The following ZMYND8 variants were observed in gnomAD, a reference collection of about 807,000 sequenced individuals.
The protein encoded by ZMYND8 is zinc finger MYND-type containing 8.
In ZMYND8, 37 loss-of-function variants were observed where a neutral mutation model predicts 140.8. That is an observed-to-expected ratio of 0.26 (90% CI 0.20 to 0.35). The LOEUF (loss-of-function observed/expected upper bound fraction) is 0.35. ZMYND8 is among the 10% of genes least tolerant of loss of function. The pLI, the probability that ZMYND8 is intolerant of heterozygous loss-of-function variation, is 1.00. For missense variants in ZMYND8, 1,068 were observed against 1,570.0 expected (o/e 0.68, Z 5.40); for synonymous variants, 592 against 597.1 (o/e 0.99, Z 0.12).
chr20:47,312,515 G>C (rs895716839), intron 2 of ZMYND8, among the ~76,000 whole-genome samples: 1 of 152,208 alleles, frequency 6.6e-6, no homozygotes, highest in African/African-American at 2.4e-5. Context: ...GGGCGGCCCA[G>C]AGAGCCCAAA....
chr20:47,287,135 G>A (rs2076972943), intron 8 of ZMYND8, 94 bp downstream of exon 8: 17 of 1,131,598 alleles, frequency 1.5e-5, no homozygotes, highest in South Asian at 2.5e-5. Context: ...AAATCACCTC[G>A]GCTACCTAAT....
In ZMYND8 at chr20:47,224,297, G is replaced by A. The variant is rs1287642472; in HGVS notation, c.3256+20C>T. 6 of 1,612,910 alleles carry A rather than the reference G, an allele frequency of 3.7e-6. No individual in the cohort carries two copies. The Admixed American group carries it at 1.0e-4, about 27-fold the overall frequency. On this transcript the variant is annotated intron_variant, in intron 19 of 22. Transcript: ENST00000471951. ...AAGCCACTGCAGCCCAGGACGGGAG[G>A]CAGCCCCACAGGGCATTACCTGACT...
chr20:47,275,497 A>G (rs1421960692), intron 11 of ZMYND8, among the ~76,000 whole-genome samples: 1 of 151,320 alleles, frequency 6.6e-6, no homozygotes, highest in African/African-American at 2.4e-5. Flanking sequence ...ATGTCTCCAA[A>G]AAAAAAAAAA....
At chr20:47,336,724 G>T (rs2081414303) in intron 2 of ZMYND8, among the ~76,000 whole-genome samples, 1 of 152,174 alleles carries the variant, frequency 6.6e-6, no homozygotes, top group Non-Finnish European at 1.5e-5. Flanking sequence ...GTTCACGCAT[G>T]ATCTTTAGAG....
intron 10 of ZMYND8, among the ~76,000 whole-genome samples, chr20:47,280,555 CTA>C (rs2076543512): frequency 1.3e-5 from 2 of 152,144 alleles, no homozygotes; most frequent in Non-Finnish European, 2.9e-5. Context: ...AGCTGAGAGA[CTA>C]CAGCCATCAA....
chr20:47,260,785 A>C (rs1336376967), intron 12 of ZMYND8, among the ~76,000 whole-genome samples: 3 of 152,080 alleles, frequency 2.0e-5, no homozygotes, highest in Non-Finnish European at 4.4e-5. Flanking sequence ...TATTTTCTCT[A>C]TCTTTCTAAA....
intron 3 of ZMYND8, among the ~76,000 whole-genome samples, chr20:47,305,392 C>A (rs2078402359): frequency 6.6e-6 from 1 of 151,962 alleles, no homozygotes; most frequent in Admixed American, 6.6e-5. Context: ...AGGTGCGCAC[C>A]ACCATGCCTG....
chr20:47,345,585 G>A (rs1193871268), intron 2 of ZMYND8, among the ~76,000 whole-genome samples: 1 of 150,582 alleles, frequency 6.6e-6, no homozygotes, highest in African/African-American at 2.4e-5. Flanking sequence ...TTGGCTCACT[G>A]CAACCTCCGC....
intron 3 of ZMYND8, among the ~76,000 whole-genome samples, chr20:47,309,270 C>T (rs1032442914): frequency 1.3e-5 from 2 of 152,128 alleles, no homozygotes; most frequent in Non-Finnish European, 1.5e-5. Flanking sequence ...CCTAAGCCTG[C>T]CCCTGGCAAT....
At chr20:47,319,863 A>ACCC (rs1331649661) in intron 2 of ZMYND8, 1 of 52,266 alleles carries the variant, frequency 1.9e-5, no homozygotes, top group African/African-American at 7.5e-5. Flanking sequence ...CCACCCACCC[A>ACCC]CCCCCTCAGC....
chr20:47,312,110 C>T (rs80302277), intron 2 of ZMYND8, among the ~76,000 whole-genome samples: 4,944 of 152,148 alleles, frequency 0.032, 259 homozygotes, highest in African/African-American at 0.11. Flanking sequence ...GTGAAATCTG[C>T]GAAGATGTCA....
chr20:47,331,738 A>G (rs2080961378), intron 2 of ZMYND8, among the ~76,000 whole-genome samples: 2 of 152,172 alleles, frequency 1.3e-5, no homozygotes, highest in African/African-American at 4.8e-5. Flanking sequence ...CCACAAGAAT[A>G]ATCAGCATCT....
At chr20:47,326,253 C>T (rs2148405405) in intron 2 of ZMYND8, among the ~76,000 whole-genome samples, 1 of 152,282 alleles carries the variant, frequency 6.6e-6, no homozygotes, top group Non-Finnish European at 1.5e-5. Context: ...CCACCACATC[C>T]AGCCCACCAG....
intron 2 of ZMYND8, among the ~76,000 whole-genome samples, chr20:47,323,422 G>A (rs182175528): frequency 9.0e-4 from 137 of 151,576 alleles, no homozygotes; most frequent in African/African-American, 3.0e-3. Flanking sequence ...TTTATTTTTC[G>A]TAGCGATGGG....
rs772883010 is a variant in ZMYND8 at position 47,310,045 on chromosome 20, G to A, written c.234+11C>T. 106 of 1,614,092 alleles carry A rather than the reference G, an allele frequency of 6.6e-5. No individual in the cohort carries two copies. The highest frequency in any genetic ancestry group is 1.7e-4 in the Middle Eastern group (1 of 6,050). On this transcript the variant is annotated intron_variant, in intron 3 of 22. Transcript: ENST00000471951. ...CACCAGTGAGGACACCGTTCCCAGC[G>A]GCTGCTTTACCTGCTCCTTATTGTT...
chr20:47,327,294 C>T (rs2080513936), intron 2 of ZMYND8, among the ~76,000 whole-genome samples: 2 of 151,810 alleles, frequency 1.3e-5, no homozygotes, highest in South Asian at 2.1e-4. Context: ...CGTGAGCCAC[C>T]GCCTTTAAAG....
intron 18 of ZMYND8, among the ~76,000 whole-genome samples, chr20:47,225,631 T>G: frequency 1.1e-5 from 1 of 90,864 alleles, no homozygotes; most frequent in Admixed American, 1.2e-4. Context: ...CCTCAATTCC[T>G]TCAAATACTC....
intron 21 of ZMYND8, among the ~76,000 whole-genome samples, chr20:47,219,586 C>G (rs1003222067): frequency 6.6e-6 from 1 of 151,744 alleles, no homozygotes; most frequent in African/African-American, 2.4e-5. Flanking sequence ...AGGCAAAAAC[C>G]TTGAATGAAG....
At chr20:47,351,491 G>A (rs1044333447) in intron 1 of ZMYND8, among the ~76,000 whole-genome samples, 1 of 152,116 alleles carries the variant, frequency 6.6e-6, no homozygotes, top group Admixed American at 6.5e-5. Flanking sequence ...TGCATCATTC[G>A]AAAGGACTTT....
Sources: gnomAD v4.1 joint callset for allele counts (sites outside exome capture counted in the v4.1 genomes callset) on GRCh38, gnomAD v4.1.1 for gene constraint, MANE v1.5 for transcripts, NCBI Gene and HGNC (gene_info 2026-07-23, HGNC 2026-07-21) for gene names.